MAD1L1: variants seen among roughly 807,000 people sequenced by gnomAD.
The protein encoded by MAD1L1 is mitotic spindle assembly checkpoint protein MAD1.
Under a neutral mutation model 96.9 loss-of-function variants are expected in MAD1L1, and 95 were observed. That is an observed-to-expected ratio of 0.98 (90% CI 0.83 to 1.16). The LOEUF is 1.16. Ranked by LOEUF, MAD1L1 falls within the 50% of genes most tolerant of loss-of-function variation. The probability of loss-of-function intolerance (pLI) is 0.00; values close to 1 mark genes in which losing one functional copy is unlikely to be tolerated. For missense variants in MAD1L1, 1,007 were observed against 954.4 expected (o/e 1.06, Z -0.73); for synonymous variants, 473 against 396.6 (o/e 1.19, Z -2.29).
At chr7:1,863,989 G>A (rs1418099195) in intron 18 of MAD1L1, among the ~76,000 whole-genome samples, 1 of 117,422 alleles carries the variant, frequency 8.5e-6, no homozygotes, top group African/African-American at 3.9e-5. Flanking sequence ...TCTGGAGGCT[G>A]AGGCAGAGAA....
At chr7:2,175,463 T>C (rs1450830518) in intron 10 of MAD1L1, 1 of 142,522 alleles carries the variant, frequency 7.0e-6, no homozygotes, top group Admixed American at 7.4e-5. Context: ...GCTATGACTT[T>C]ACTTTCTCCT....
intron 14 of MAD1L1, among the ~76,000 whole-genome samples, chr7:1,993,342 C>T (rs1781429876): frequency 6.6e-6 from 1 of 152,230 alleles, no homozygotes; most frequent in South Asian, 2.1e-4. Flanking sequence ...CTTGCCTTCC[C>T]ATGTCAGTCC....
chr7:2,033,265 G>A (rs926379475), intron 12 of MAD1L1, among the ~76,000 whole-genome samples: 3 of 152,216 alleles, frequency 2.0e-5, no homozygotes, highest in Non-Finnish European at 4.4e-5. Flanking sequence ...GAACACCTGG[G>A]TGCGGAGCCC....
intron 14 of MAD1L1, among the ~76,000 whole-genome samples, chr7:1,990,129 G>A (rs1010551266): frequency 1.3e-5 from 2 of 152,214 alleles, no homozygotes; most frequent in African/African-American, 4.8e-5. Flanking sequence ...CCGCCTCATC[G>A]CCAACTCACG....
At chr7:2,032,134 C>G (rs1018903636) in intron 12 of MAD1L1, among the ~76,000 whole-genome samples, 2 of 152,266 alleles carry the variant, frequency 1.3e-5, no homozygotes, top group Admixed American at 6.5e-5. Context: ...CCTGACCCCT[C>G]ATTCATGCGG....
At chr7:2,041,968 C>T (rs889589254) in intron 12 of MAD1L1, among the ~76,000 whole-genome samples, 1 of 152,122 alleles carries the variant, frequency 6.6e-6, no homozygotes, top group Non-Finnish European at 1.5e-5. Context: ...CAGCCAAGGC[C>T]AGAGAGAACT....
intron 12 of MAD1L1, among the ~76,000 whole-genome samples, chr7:2,028,366 A>G (rs1007371486): frequency 1.3e-5 from 2 of 149,730 alleles, no homozygotes; most frequent in Admixed American, 1.3e-4. Flanking sequence ...CAGAGCTTGC[A>G]GTGAGCCGAG....
At position 1,816,206 on chromosome 7, in the gene MAD1L1, T is replaced by A. The variant is rs760556868; in HGVS notation, c.2021A>T (p.Lys674Met). Residue 674 changes from lysine to methionine, a missense_variant, in exon 19 of 19, where the codon AAG (lysine) becomes ATG (methionine). Lys to Met is a moderately conservative substitution (Grantham distance 95, BLOSUM62 -1). Coordinates refer to ENST00000265854, the MANE Select transcript of MAD1L1 (RefSeq NM_001013836.2). ...IFKATSPSGS[K>M]MQLLETEFSH... ...GAACTCTGTCTCCAGTAGCTGCATC[T>A]TGGAACCCGAGGGGCTGGTGGCCTG... is the stretch of plus-strand genomic sequence containing the variant. The A allele has an allele frequency of 6.2e-7, 1 of 1,612,528 alleles. No individual in the cohort carries two copies. The highest frequency in any genetic ancestry group is 1.3e-5 in the African/African-American group (1 of 74,738).
intron 18 of MAD1L1, among the ~76,000 whole-genome samples, chr7:1,828,016 C>T (rs1000287805): frequency 1.3e-5 from 2 of 152,054 alleles, no homozygotes; most frequent in Non-Finnish European, 2.9e-5. Context: ...GATGCAGGCC[C>T]GCCCTCCTGT....
intron 15 of MAD1L1, among the ~76,000 whole-genome samples, chr7:1,973,606 CAG>C (rs1002816853): frequency 1.6e-4 from 24 of 152,302 alleles, no homozygotes; most frequent in East Asian, 3.9e-4. Flanking sequence ...GGACCACAGA[CAG>C]GGGGGTGCGA....
intron 14 of MAD1L1, among the ~76,000 whole-genome samples, chr7:1,997,909 G>T (rs1781628798): frequency 6.6e-6 from 1 of 152,202 alleles, no homozygotes; most frequent in Admixed American, 6.5e-5. Flanking sequence ...CCAAACAAAG[G>T]ACGGGGCCAG....
At chr7:2,110,874 C>T (rs1460922261) in intron 11 of MAD1L1, among the ~76,000 whole-genome samples, 2 of 152,152 alleles carry the variant, frequency 1.3e-5, no homozygotes, top group African/African-American at 4.8e-5. Context: ...CACCATCTCC[C>T]TCAAACACAG....
At chr7:2,029,691 CCAG>C (rs1228792765) in intron 12 of MAD1L1, among the ~76,000 whole-genome samples, 1 of 152,122 alleles carries the variant, frequency 6.6e-6, no homozygotes, top group East Asian at 1.9e-4. Context: ...AACTCGGACT[CCAG>C]AGGCCTGGAG....
At chr7:2,014,792 C>CCTCTT in intron 12 of MAD1L1, 150 bp from the exon 13 acceptor site, 1 of 864,296 alleles carries the variant, frequency 1.2e-6, no homozygotes, top group Non-Finnish European at 1.7e-6. Context: ...CCCTGAGGGC[C>CCTCTT]CACCAAAGTG....
intron 3 of MAD1L1, 141 bp from the exon 4 acceptor site, chr7:2,225,691 G>A (rs1584599005): frequency 1.1e-6 from 1 of 892,082 alleles, no homozygotes; most frequent in Non-Finnish European, 1.7e-6. Context: ...CCAGCCACTG[G>A]GCTCCAGGCT....
intron 17 of MAD1L1, among the ~76,000 whole-genome samples, chr7:1,933,601 T>C (rs1320086626): frequency 2.0e-5 from 3 of 152,232 alleles, no homozygotes; most frequent in African/African-American, 4.8e-5. Flanking sequence ...CCCAGGCCTC[T>C]GGCTGAGCAA....
intron 10 of MAD1L1, among the ~76,000 whole-genome samples, chr7:2,209,613 C>G (rs1792792962): frequency 6.6e-6 from 1 of 152,208 alleles, no homozygotes; most frequent in African/African-American, 2.4e-5. Flanking sequence ...CAGAGAGACC[C>G]AAGGGAAGCT....
At position 2,034,600 on chromosome 7, in the gene MAD1L1, G is replaced by C. The variant is rs1325479405; in HGVS notation, c.1219-19958C>G. On this transcript the variant is annotated intron_variant, in intron 12 of 18. Coordinates refer to ENST00000265854, the MANE Select transcript of MAD1L1 (RefSeq NM_001013836.2). ...TTTTCAAGGAATGCTTAATGGCACAGGCACTGGCTGCAATAAAATGTCACA... is the reference window on the plus strand; with the variant it reads ...TTTTCAAGGAATGCTTAATGGCACACGCACTGGCTGCAATAAAATGTCACA... Among the ~76,000 whole-genome samples, 8 of 152,330 alleles carry C rather than the reference G, an allele frequency of 5.3e-5. No homozygotes were observed. In the East Asian group the frequency reaches 1.5e-3, roughly 29 times the overall value.
intron 11 of MAD1L1, among the ~76,000 whole-genome samples, chr7:2,097,674 G>A (rs1454756995): frequency 5.9e-5 from 9 of 152,194 alleles, no homozygotes; most frequent in South Asian, 2.1e-4. Flanking sequence ...CTCTGGAGGT[G>A]CAGAAGGGCA....
Sources: gnomAD v4.1 joint callset for allele counts (sites outside exome capture counted in the v4.1 genomes callset) on GRCh38, gnomAD v4.1.1 for gene constraint, MANE v1.5 for transcripts, NCBI Gene and HGNC (gene_info 2026-07-23, HGNC 2026-07-21) for gene names.